Variants in ESR1 observed in about 807,000 individuals in gnomAD.
ESR1 encodes the protein estrogen receptor.
A neutral mutation model predicts 52.7 loss-of-function variants in ESR1; 12 were observed. The observed-to-expected ratio is 0.23, with a 90% confidence interval of 0.15 to 0.37. The LOEUF (loss-of-function observed/expected upper bound fraction) is 0.37. ESR1 is among the 10% of genes least tolerant of loss of function. The pLI is 1.00. For synonymous variants in ESR1, 305 were observed against 316.8 expected (o/e 0.96, Z 0.39); for missense variants, 584 against 779.7 (o/e 0.75, Z 2.99).
rs9383592 is a variant in ESR1, at chr6:151,711,008, C to T, written c.-71+9003C>T. 6.9e-4 allele frequency among the ~76,000 whole-genome samples: 105 copies of T among 152,294 alleles called. 1 individual carries two copies. In the East Asian group the frequency reaches 0.016, roughly 23 times the overall value. On this transcript the variant is annotated intron_variant, in intron 2 of 2. Transcript: ENST00000404742. ...CTATTGTGAATAATGCTGCAATAAA[C>T]ATACATGTGCATGTGTCTTTATAGT... is the stretch of plus-strand genomic sequence containing the variant.
At chr6:152,123,679 A>C (rs896266594) in intron 6 of ESR1, among the ~76,000 whole-genome samples, 13 of 152,268 alleles carry the variant, frequency 8.5e-5, no homozygotes, top group Non-Finnish European at 1.8e-4. Context: ...ACTCAGACCC[A>C]TACAACATTG....
intron 1 of ESR1, among the ~76,000 whole-genome samples, chr6:151,826,684 T>A (rs2128205298): frequency 6.6e-6 from 1 of 152,314 alleles, no homozygotes; most frequent in South Asian, 2.1e-4. Context: ...CTGTTGATGT[T>A]GTAAAACCTC....
Position 151,890,691 on chromosome 6 carries a change from C to A in ESR1, c.760+9920C>A, listed in dbSNP as rs79163143. ...AATGTTGGGTGCATATGTATGTTCA[C>A]CTGTTATATCCTCTTAATGAATTGA... On this transcript the variant is annotated intron_variant, in intron 3 of 7. Coordinates refer to ENST00000206249, the MANE Select transcript of ESR1 (RefSeq NM_000125.4). Among the ~76,000 whole-genome samples the A allele has an allele frequency of 3.4e-4, 52 of 152,244 alleles. No individual in the cohort carries two copies. The East Asian group carries it at 7.5e-3, about 22-fold the overall frequency.
intron 4 of ESR1, among the ~76,000 whole-genome samples, chr6:151,982,053 TATTCATTCACTCTGTTTA>T (rs2040038492): frequency 6.6e-6 from 1 of 152,268 alleles, no homozygotes; most frequent in African/African-American, 2.4e-5. Flanking sequence ...AATCTCACTT[TATTCATTCACTCTGTTTA>T]ATTCATTCAA....
rs955678234 is a variant in ESR1 at position 152,094,627 on chromosome 6, A to C, written c.1553+59A>C. On this transcript the variant is annotated intron_variant, in intron 7 of 7. Coordinates refer to ENST00000206249, the MANE Select transcript of ESR1 (RefSeq NM_000125.4). This position sits in a 1 kb window ranked among gnomAD's most constrained non-coding sequence, Gnocchi z 4.6. The stretch of plus-strand genomic sequence containing the variant: ...ATAAAGAAAACATGCCCCCAAACCT[A>C]TGTGACAGCTGGCCGGGAAGGACTG... The C allele has an allele frequency of 2.0e-6, 3 of 1,524,286 alleles. No homozygotes were observed. The highest frequency in any genetic ancestry group is 2.7e-6 in the Non-Finnish European group (3 of 1,110,512). 94.4% of individuals were successfully genotyped at this position (1,524,286 alleles called of 1,614,324 possible).
rs142509494 is a variant in ESR1 at position 151,707,827 on chromosome 6, T to A, written c.-71+5822T>A. ...TCTAGAAATCAAATCATGATTTTAT[T>A]TGGCTATGCCTCTTGTAGTCCTTGT... On this transcript the variant is annotated intron_variant, in intron 2 of 2. Transcript: ENST00000404742. Among the ~76,000 whole-genome samples, 782 of 152,306 alleles carry A rather than the reference T, an allele frequency of 5.1e-3. 2 individuals are homozygous for A. The highest frequency in any genetic ancestry group is 9.0e-3 in the Admixed American group (138 of 15,306).
chr6:151,892,221 T>C (rs1269457208), intron 3 of ESR1, among the ~76,000 whole-genome samples: 2 of 152,200 alleles, frequency 1.3e-5, no homozygotes, highest in African/African-American at 4.8e-5. Context: ...AAATCTTAAA[T>C]TTTATGTTTT....
chr6:151,758,683 C>T (rs1362296568), intron 2 of ESR1, among the ~76,000 whole-genome samples: 1 of 151,110 alleles, frequency 6.6e-6, no homozygotes, highest in African/African-American at 2.4e-5. Context: ...ATTGCTTGAA[C>T]CAGGCAGAGG....
intron 5 of ESR1, among the ~76,000 whole-genome samples, chr6:152,060,572 G>C (rs2047468507): frequency 6.6e-6 from 1 of 152,132 alleles, no homozygotes; most frequent in African/African-American, 2.4e-5. Flanking sequence ...TTATTTGAAG[G>C]CTATGAGCAT....
At chr6:151,995,182 C>T (rs1400137601) in intron 4 of ESR1, among the ~76,000 whole-genome samples, 3 of 152,156 alleles carry the variant, frequency 2.0e-5, no homozygotes, top group Middle Eastern at 3.4e-3. Context: ...GGTAGTGGCC[C>T]GGGATCCAAA....
chr6:151,916,412 A>T lies in ESR1; in HGVS notation c.761-27761A>T, dbSNP rs1290347941. Among the ~76,000 whole-genome samples, 3 of 152,240 alleles carry T rather than the reference A, an allele frequency of 2.0e-5. No homozygotes were observed. In the East Asian group the frequency reaches 5.8e-4, roughly 29 times the overall value. The stretch of plus-strand genomic sequence containing the variant: ...CTACTGACAAGACACAGAGTTAAGT[A>T]GTGAAAATACAGAGACCTAGACACA... On this transcript the variant is annotated intron_variant, in intron 3 of 7. Coordinates refer to ENST00000206249, the MANE Select transcript of ESR1 (RefSeq NM_000125.4).
intron 2 of ESR1, among the ~76,000 whole-genome samples, chr6:151,760,307 C>T (rs755710672): frequency 5.9e-5 from 9 of 152,346 alleles, no homozygotes; most frequent in South Asian, 4.1e-4. Flanking sequence ...GAATCCCACA[C>T]AAGACCACCC....
chr6:151,726,527 G>A (rs538841657), intron 2 of ESR1, among the ~76,000 whole-genome samples: 2 of 152,110 alleles, frequency 1.3e-5, no homozygotes, highest in Admixed American at 6.5e-5. Flanking sequence ...TAGTAGAGAC[G>A]GGGTTTCACC....
intron 4 of ESR1, among the ~76,000 whole-genome samples, chr6:151,947,673 T>G (rs910257993): frequency 1.3e-5 from 2 of 152,190 alleles, no homozygotes; most frequent in Non-Finnish European, 2.9e-5. Context: ...GTTTCTCTAC[T>G]CAGAATTAAG....
At chr6:151,997,040 C>G (rs1396454876) in intron 4 of ESR1, among the ~76,000 whole-genome samples, 1 of 151,814 alleles carries the variant, frequency 6.6e-6, no homozygotes. Flanking sequence ...CAGGTACTGT[C>G]CCTATGTAAG....
intron 2 of ESR1, among the ~76,000 whole-genome samples, chr6:151,843,823 T>C (rs1784674586): frequency 6.6e-6 from 1 of 152,056 alleles, no homozygotes; most frequent in African/African-American, 2.4e-5. Flanking sequence ...TCATGGACTT[T>C]CTGTGATAGC....
In ESR1 at chr6:151,874,731, C is replaced by G. The variant is rs1583862486; in HGVS notation, c.644-5924C>G. On this transcript the variant is annotated intron_variant, in intron 2 of 7. Coordinates refer to ENST00000206249, the MANE Select transcript of ESR1 (RefSeq NM_000125.4). The stretch of plus-strand genomic sequence containing the variant: ...GATCAAGATATGCCTTTTCTTCAGC[C>G]TTGTTAATACTTCATTTATAAGGAT... 2.0e-5 allele frequency among the ~76,000 whole-genome samples: 3 copies of G among 152,220 alleles called. No homozygotes were observed. The Middle Eastern group carries it at 0.01, about 518-fold the overall frequency.
At chr6:151,889,887 T>G (rs1794444322) in intron 3 of ESR1, among the ~76,000 whole-genome samples, 1 of 152,166 alleles carries the variant, frequency 6.6e-6, no homozygotes, top group Admixed American at 6.5e-5. Context: ...CAACTTTTCT[T>G]TTTATTTCTT....
At chr6:151,802,065 A>T (rs1467480581), upstream of ESR1, among the ~76,000 whole-genome samples, 4 of 152,252 alleles carry the variant, frequency 2.6e-5, no homozygotes, top group Non-Finnish European at 5.9e-5. Context: ...CTATACTTTC[A>T]TTGGGATGAT....
Sources: allele counts gnomAD v4.1 joint callset (sites outside exome capture counted in the v4.1 genomes callset), GRCh38; gene constraint gnomAD v4.1.1; non-coding constraint Gnocchi (gnomAD v3.1); transcripts MANE v1.5; gene names NCBI Gene and HGNC (gene_info 2026-07-23, HGNC 2026-07-21).